FRMD5: variants seen among roughly 807,000 people sequenced by gnomAD.
FRMD5 encodes the protein FERM domain containing 5.
Under a neutral mutation model 69.0 loss-of-function variants are expected in FRMD5, and 20 were observed. The observed-to-expected ratio is 0.29, with a 90% CI of 0.20 to 0.42. The LOEUF is 0.42. FRMD5 is among the 10% of genes least tolerant of loss of function. FRMD5 has a pLI of 1.00. For missense variants in FRMD5, 595 were observed against 708.6 expected, an observed-to-expected ratio of 0.84 and a Z score of 1.82; for synonymous variants, 271 against 260.1, an observed-to-expected ratio of 1.04 and a Z score of -0.40.
chr15:44,007,633 ACTAATT>A (rs1890511520), intron 1 of FRMD5, among the ~76,000 whole-genome samples: 1 of 135,400 alleles, frequency 7.4e-6, no homozygotes, highest in African/African-American at 2.6e-5. Flanking sequence ...TAATTAATTA[ACTAATT>A]TTTTTTTTTT....
chr15:44,072,720 A>G (rs912996093), intron 1 of FRMD5, among the ~76,000 whole-genome samples: 1 of 152,224 alleles, frequency 6.6e-6, no homozygotes, highest in Non-Finnish European at 1.5e-5. Flanking sequence ...TAATTGGATT[A>G]TGATTCTAGA....
At chr15:44,156,979 G>C (rs1399263427) in intron 1 of FRMD5, among the ~76,000 whole-genome samples, 1 of 152,042 alleles carries the variant, frequency 6.6e-6, no homozygotes, top group Non-Finnish European at 1.5e-5. Context: ...TAGTTTTTCT[G>C]AACAGGCAAG....
chr15:44,115,231 A>G (rs1775501134), intron 1 of FRMD5, among the ~76,000 whole-genome samples: 1 of 152,202 alleles, frequency 6.6e-6, no homozygotes, highest in Admixed American at 6.5e-5. Context: ...TCTCATAAAC[A>G]GATACATAAA....
At chr15:44,158,245 A>G (rs2077557483) in intron 1 of FRMD5, among the ~76,000 whole-genome samples, 1 of 152,210 alleles carries the variant, frequency 6.6e-6, no homozygotes, top group Admixed American at 6.5e-5. Context: ...AGAACTTAGT[A>G]GCAGTTCTAC....
At chr15:43,972,321 G>A (rs1279853059) in intron 1 of FRMD5, among the ~76,000 whole-genome samples, 2 of 151,952 alleles carry the variant, frequency 1.3e-5, no homozygotes, top group African/African-American at 4.8e-5. Flanking sequence ...ATATTAAAAA[G>A]CATATATAAG....
chr15:44,159,781 T>G (rs950808953), intron 1 of FRMD5, among the ~76,000 whole-genome samples: 1 of 152,238 alleles, frequency 6.6e-6, no homozygotes, highest in Admixed American at 6.5e-5. Context: ...CTGTGGACTT[T>G]GTGCTGCTTC....
intron 1 of FRMD5, among the ~76,000 whole-genome samples, chr15:44,018,044 C>A (rs1025300915): frequency 6.6e-6 from 1 of 152,142 alleles, no homozygotes; most frequent in Non-Finnish European, 1.5e-5. Context: ...TGGAACTCTG[C>A]ACATCTATAT....
chr15:43,909,758 G>C, intron 5 of FRMD5, 124 bp downstream of exon 5: 1 of 589,732 alleles, frequency 1.7e-6, no homozygotes, highest in Non-Finnish European at 3.0e-6. Flanking sequence ...AGGACTACAA[G>C]CGTGAGCCAC....
chr15:43,947,989 G>C (rs571777283), intron 1 of FRMD5, among the ~76,000 whole-genome samples: 1 of 152,276 alleles, frequency 6.6e-6, no homozygotes, highest in South Asian at 2.1e-4. Flanking sequence ...AAAGAAAGCT[G>C]ATGTTGGCTG....
At chr15:43,885,258 G>A (rs1040617597) in intron 11 of FRMD5, among the ~76,000 whole-genome samples, 2 of 151,884 alleles carry the variant, frequency 1.3e-5, no homozygotes, top group African/African-American at 2.4e-5. Flanking sequence ...CTGCAGCCTC[G>A]ACCTCCTGAG....
At chr15:44,084,106 G>A (rs956883289) in intron 1 of FRMD5, among the ~76,000 whole-genome samples, 12 of 151,822 alleles carry the variant, frequency 7.9e-5, no homozygotes, top group African/African-American at 2.9e-4. Context: ...CCACTGACTG[G>A]CTATTTGACC....
intron 4 of FRMD5, chr15:43,917,886 CA>C (rs2089421838): frequency 6.6e-6 from 1 of 152,298 alleles, no homozygotes; most frequent in East Asian, 1.9e-4. Flanking sequence ...TTCAGTGCTT[CA>C]AAGTAGGTGG....
chr15:43,998,492 A>G (rs149267126), intron 1 of FRMD5, among the ~76,000 whole-genome samples: 88 of 152,310 alleles, frequency 5.8e-4, no homozygotes, highest in African/African-American at 2.1e-3. Context: ...TCAAGCAAGC[A>G]GACTGATCAG....
rs1273784605 is a variant in FRMD5 at position 43,909,913 on chromosome 15, A to G, written c.396T>C (p.Asp132=). ...YHGRLLCKTS[D]AALLAAYILQ... is the part of the protein sequence containing the mutation. Reference sequence around the variant, plus strand: ...GGATGTAAGCTGCTAACAAGGCAGCATCCGATGTTTTACAGAGGAGTCGGC... The same window carrying G: ...GGATGTAAGCTGCTAACAAGGCAGCGTCCGATGTTTTACAGAGGAGTCGGC... The change falls in exon 5 of 14, where the codon GAT becomes GAC. Residue 132 remains aspartate (D), a synonymous_variant. Transcript: ENST00000417257. 6.2e-7 allele frequency: 1 copy of G among 1,613,174 alleles called. No individual in the cohort carries two copies. The highest frequency in any genetic ancestry group is 1.3e-5 in the African/African-American group (1 of 74,916).
intron 1 of FRMD5, among the ~76,000 whole-genome samples, chr15:44,187,423 A>G (rs2140593929): frequency 6.6e-6 from 1 of 152,292 alleles, no homozygotes; most frequent in South Asian, 2.1e-4. Context: ...GTTTGACTCA[A>G]CTATACCAGA....
In FRMD5 at chr15:44,080,563, T is replaced by C. The variant is rs557344153; in HGVS notation, c.102+114390A>G. On this transcript the variant is annotated intron_variant, in intron 1 of 13. Transcript: ENST00000417257. The stretch of plus-strand genomic sequence containing the variant: ...CAGATCTGGGGCTTACAAGAGAAAA[T>C]GAGACTAGGAAAAGACGTTTAGGAG... 3.6e-4 allele frequency among the ~76,000 whole-genome samples: 55 copies of C among 152,124 alleles called. No individual in the cohort carries two copies. In the South Asian group the frequency reaches 7.5e-3, roughly 21 times the overall value.
intron 1 of FRMD5, among the ~76,000 whole-genome samples, chr15:43,958,774 C>T (rs1397966226): frequency 1.3e-5 from 2 of 152,178 alleles, no homozygotes; most frequent in African/African-American, 2.4e-5. Flanking sequence ...AAGGAAGATT[C>T]ATTGCTTTAC....
At chr15:44,172,094 C>CT (rs35080273) in intron 1 of FRMD5, among the ~76,000 whole-genome samples, 5,390 of 140,418 alleles carry the variant, frequency 0.038, 118 homozygotes, top group Middle Eastern at 0.082. Context: ...TATCACTACA[C>CT]TTTTTTTTTT....
chr15:44,002,732 T>G (rs1179675282), intron 1 of FRMD5, among the ~76,000 whole-genome samples: 2 of 151,896 alleles, frequency 1.3e-5, no homozygotes, highest in Non-Finnish European at 2.9e-5. Context: ...AGGTCAGGGG[T>G]CGATCTTTAA....
Sources: allele counts gnomAD v4.1 joint callset (sites outside exome capture counted in the v4.1 genomes callset), GRCh38; gene constraint gnomAD v4.1.1; transcripts MANE v1.5; gene names NCBI Gene and HGNC (gene_info 2026-07-23, HGNC 2026-07-21).